ARHGAP32: variants seen among roughly 807,000 people sequenced by gnomAD.
ARHGAP32 encodes Rho GTPase activating protein 32, also known as rho GTPase-activating protein 32.
A neutral mutation model predicts 186.5 loss-of-function variants in ARHGAP32; 51 were observed. The observed-to-expected ratio is 0.27, with a 90% CI of 0.22 to 0.35. The LOEUF (loss-of-function observed/expected upper bound fraction) is 0.35, where lower values mean the gene tolerates loss of function less well. Ranked by LOEUF, ARHGAP32 falls within the 10% of genes least tolerant of loss-of-function variation. ARHGAP32 has a pLI of 1.00. For synonymous variants in ARHGAP32, 950 were observed against 964.3 expected, an observed-to-expected ratio of 0.99 and a Z score of 0.27; for missense variants, 2,186 against 2,623.5, an observed-to-expected ratio of 0.83 and a Z score of 3.64.
rs181997619 is a variant in ARHGAP32 at position 129,152,407 on chromosome 11, C to T, written c.225+11912G>A. Among the ~76,000 whole-genome samples the T allele has an allele frequency of 1.4e-3, 211 of 152,156 alleles. 2 individuals carry two copies. Among genetic ancestry groups the T allele is most frequent in the Middle Eastern group, 3.4e-3 (1 of 294 alleles). ...CTATGAAGCCAACATCACCCAAATA[C>T]CAAAACCAGGAAAGGACATAACAAA... On this transcript the variant is annotated intron_variant, in intron 2 of 22. Transcript: ENST00000682385.
intron 5 of ARHGAP32, among the ~76,000 whole-genome samples, chr11:129,098,724 C>T (rs1312290684): frequency 6.6e-6 from 1 of 152,082 alleles, no homozygotes; most frequent in Non-Finnish European, 1.5e-5. Flanking sequence ...ATTCCACATT[C>T]TTTCCTACAT....
intron 1 of ARHGAP32, among the ~76,000 whole-genome samples, chr11:129,209,830 G>C (rs1351177568): frequency 6.6e-6 from 1 of 152,102 alleles, no homozygotes; most frequent in Non-Finnish European, 1.5e-5. Context: ...GAACACGAAG[G>C]ATACCACTTA....
At chr11:129,264,508 CAATT>C (rs1945367311) in intron 1 of ARHGAP32, among the ~76,000 whole-genome samples, 1 of 152,088 alleles carries the variant, frequency 6.6e-6, no homozygotes, top group Non-Finnish European at 1.5e-5. Context: ...ATGTCCATAA[CAATT>C]AAACAGTTAG....
chr11:129,179,710 C>T (rs986658000), intron 1 of ARHGAP32, among the ~76,000 whole-genome samples: 4 of 151,720 alleles, frequency 2.6e-5, no homozygotes, highest in African/African-American at 4.8e-5. Context: ...AACCAAACAC[C>T]GCACATTCTC....
chr11:129,144,689 T>C (rs1943132482), intron 2 of ARHGAP32, among the ~76,000 whole-genome samples: 1 of 152,068 alleles, frequency 6.6e-6, no homozygotes, highest in Non-Finnish European at 1.5e-5. Flanking sequence ...GCCCCAAGGG[T>C]AAATTGTATC....
intron 1 of ARHGAP32, among the ~76,000 whole-genome samples, chr11:129,251,237 T>C (rs1414445221): frequency 1.3e-5 from 2 of 152,290 alleles, no homozygotes; most frequent in East Asian, 3.9e-4. Context: ...TTCTCAAGCA[T>C]CTCTTCTCTC....
rs1397841641 is a variant in ARHGAP32, at chr11:129,125,847, G to A, written c.226-953C>T. The stretch of plus-strand genomic sequence containing the variant: ...CTATTTATAAGGGTTGGTATTTCAT[G>A]ATCAAGACTTCTTAGATATATTTTT... On this transcript the variant is annotated intron_variant, in intron 2 of 22. Transcript: ENST00000682385. 8 of 427,006 alleles carry A rather than the reference G, an allele frequency of 1.9e-5. 1 individual carries two copies. Among genetic ancestry groups the A allele is most frequent in the South Asian group, 1.2e-4 (7 of 59,846 alleles). 26.5% of individuals were successfully genotyped at this position (427,006 alleles called of 1,614,324 possible).
At chr11:128,980,132 A>G (rs376593974) in intron 18 of ARHGAP32, among the ~76,000 whole-genome samples, 5 of 152,342 alleles carry the variant, frequency 3.3e-5, no homozygotes, top group South Asian at 4.1e-4. Flanking sequence ...GGGAGACCAC[A>G]CTATTAATCT....
chr11:129,199,238 A>G (rs1223652541), intron 1 of ARHGAP32, among the ~76,000 whole-genome samples: 1 of 152,268 alleles, frequency 6.6e-6, no homozygotes, highest in Non-Finnish European at 1.5e-5. Flanking sequence ...CCCATTTTCC[A>G]AGGAGAAAGT....
rs369913845 is a variant in ARHGAP32, at chr11:128,969,084, G to A, written c.6129C>T (p.Tyr2043=). ...CTCGCTGGTGCTGAGGCAGGGAGTG[G>A]TAATCTTCCAGGTTATCATACTGGG... The part of the protein sequence containing the change: ...VVSQYDNLED[Y]HSLPQHQRGV... Residue 2043 remains tyrosine, a synonymous_variant, in exon 23 of 23, where the codon TAC becomes TAT. Coordinates refer to ENST00000682385, the MANE Select transcript of ARHGAP32 (RefSeq NM_001378024.1). This position sits in a 1 kb window ranked among gnomAD's most constrained non-coding sequence, Gnocchi z 4.8. The A allele has an allele frequency of 2.8e-5, 45 of 1,608,086 alleles. No individual in the cohort carries two copies. Among genetic ancestry groups the A allele is most frequent in the African/African-American group, 4.0e-5 (3 of 74,842 alleles).
chr11:128,974,953 T>A lies in ARHGAP32; in HGVS notation c.2244A>T (p.Ala748=). Residue 748 remains alanine (A), a synonymous_variant, in exon 21 of 23, where the codon GCA becomes GCT. Transcript: ENST00000682385. ...RPRRPRSSSD[A]LSASFNGEML... ...TTTCTCCATTAAAAGAGGCAGACAG[T>A]GCATCACTGGAAGATCTGGGTCTTC... The A allele has an allele frequency of 6.2e-7, 1 of 1,613,214 alleles. No individual in the cohort carries two copies. The highest frequency in any genetic ancestry group is 8.5e-7 in the Non-Finnish European group (1 of 1,179,718).
intron 2 of ARHGAP32, among the ~76,000 whole-genome samples, chr11:129,161,535 C>G (rs572695782): frequency 9.2e-5 from 14 of 151,818 alleles, no homozygotes; most frequent in Admixed American, 5.2e-4. Flanking sequence ...ATGTGGCCAA[C>G]AAACATGAAA....
intron 2 of ARHGAP32, among the ~76,000 whole-genome samples, chr11:129,159,662 T>C (rs1156280131): frequency 6.6e-6 from 1 of 151,476 alleles, no homozygotes; most frequent in Non-Finnish European, 1.5e-5. Context: ...GCTGGTACCA[T>C]TCCTTCTGAA....
At chr11:129,093,499 T>C in intron 6 of ARHGAP32, 122 bp downstream of exon 6, 1 of 693,970 alleles carries the variant, frequency 1.4e-6, no homozygotes, top group Non-Finnish European at 2.5e-6. Context: ...ATTTCAGTAT[T>C]ATATAAGTAT....
At chr11:129,236,590 CATG>C (rs536329011) in intron 1 of ARHGAP32, among the ~76,000 whole-genome samples, 11 of 152,294 alleles carry the variant, frequency 7.2e-5, no homozygotes, top group Admixed American at 3.3e-4. Context: ...GGTTCTCAGT[CATG>C]ATGTCTTTGC....
chr11:129,111,144 G>C (rs1265469415), intron 5 of ARHGAP32, among the ~76,000 whole-genome samples: 1 of 152,092 alleles, frequency 6.6e-6, no homozygotes, highest in Non-Finnish European at 1.5e-5. Flanking sequence ...AAGGATTGTT[G>C]AATCTCTCAA....
At chr11:128,987,734 CCT>C (rs1945918364) in intron 13 of ARHGAP32, among the ~76,000 whole-genome samples, 1 of 152,068 alleles carries the variant, frequency 6.6e-6, no homozygotes, top group Non-Finnish European at 1.5e-5. Flanking sequence ...ATGCAAATTT[CCT>C]CTCTCATGGC....
chr11:129,063,831 TAAG>T, intron 9 of ARHGAP32, 68 bp downstream of exon 9: 1 of 1,492,658 alleles, frequency 6.7e-7, no homozygotes, highest in Non-Finnish European at 8.9e-7. Context: ...AGGAAATGGT[TAAG>T]AACAGTCAAA....
upstream of ARHGAP32, among the ~76,000 whole-genome samples, chr11:129,192,707 C>T (rs191127594): frequency 1.2e-3 from 185 of 152,198 alleles, 2 homozygotes; most frequent in Middle Eastern, 3.4e-3. Context: ...GATAAGTATG[C>T]TCTAGGGACC....
Sources: allele counts gnomAD v4.1 joint callset (sites outside exome capture counted in the v4.1 genomes callset), GRCh38; gene constraint gnomAD v4.1.1; non-coding constraint Gnocchi (gnomAD v3.1); transcripts MANE v1.5; gene names NCBI Gene and HGNC (gene_info 2026-07-23, HGNC 2026-07-21).